The following ISLR variants were observed in gnomAD, a reference collection of about 807,000 sequenced individuals.
The protein encoded by ISLR is immunoglobulin superfamily containing leucine-rich repeat protein.
ISLR carries 9 observed loss-of-function variants against 11.0 expected under a neutral mutation model. That is an observed-to-expected ratio of 0.82 (90% CI 0.49 to 1.43). ISLR has a LOEUF of 1.43. Ranked by LOEUF, ISLR falls within the 40% of genes most tolerant of loss-of-function variation. The probability of loss-of-function intolerance (pLI) is 0.00; values close to 1 mark genes in which losing one functional copy is unlikely to be tolerated. For missense variants in ISLR, 510 were observed against 576.4 expected (o/e 0.88, Z 1.18); for synonymous variants, 262 against 264.1 (o/e 0.99, Z 0.08).
rs1479723378 is a variant in ISLR, at chr15:74,175,287, C to T, written c.429C>T (p.Arg143=). 1.2e-6 allele frequency: 2 copies of T among 1,612,280 alleles called. No individual in the cohort carries two copies. Among genetic ancestry groups the T allele is most frequent in the Admixed American group, 1.7e-5 (1 of 60,014 alleles). Residue 143 remains arginine, a synonymous_variant, in exon 2 of 2, where the codon CGC becomes CGT. Coordinates refer to ENST00000249842, the MANE Select transcript of ISLR (RefSeq NM_005545.4). The surrounding 1 kb of genome is among the most constrained non-coding windows in gnomAD (Gnocchi z 4.7). ...ELTFIPRDAF[R]SLRALRSLQL... is the part of the protein sequence containing the mutation. ...CCTTCATCCCCCGCGACGCCTTCCGCAGCCTCCGTGCTCTGCGCTCGCTGC... is the reference window on the plus strand; with the variant it reads ...CCTTCATCCCCCGCGACGCCTTCCGTAGCCTCCGTGCTCTGCGCTCGCTGC...
Position 74,176,397 on chromosome 15 carries a change from G to A in ISLR, c.*252G>A, listed in dbSNP as rs1355744619. The A allele has an allele frequency of 6.6e-6, 3 of 452,544 alleles. No homozygotes were observed. The highest frequency in any genetic ancestry group is 8.0e-6 in the Non-Finnish European group (2 of 249,684). The allele number at this position is 452,544 out of a possible 1,614,324, so 28.0% of individuals were successfully genotyped here. A position where few individuals can be genotyped will look rare whatever the true frequency, so the allele number is the denominator to read the frequency against. On this transcript the variant is annotated 3_prime_UTR_variant, in exon 2 of 2. Coordinates refer to ENST00000249842, the MANE Select transcript of ISLR (RefSeq NM_005545.4). ...CATTGCTGCTAACAGCATTGCCTGT[G>A]CTCTCCTCTCAGGGGCAGCATGCTA... is the stretch of plus-strand genomic sequence containing the variant.
chr15:74,174,228 G>A (rs1222652905), intron 1 of ISLR: 1 of 152,450 alleles, frequency 6.6e-6, no homozygotes, highest in Non-Finnish European at 1.5e-5. Context: ...TGAGCCTCTG[G>A]CCTCACCCAA....
At position 74,176,441 on chromosome 15, in the gene ISLR, C is replaced by T. The variant is rs2072797760; in HGVS notation, c.*296C>T. On this transcript the variant is annotated 3_prime_UTR_variant, in exon 2 of 2. Coordinates refer to ENST00000249842, the MANE Select transcript of ISLR (RefSeq NM_005545.4). ...CATGCTAACGGGGCGACGTCCTAAT[C>T]CAACTGGGAGAAGCCTCAGTGGTGG... 8.0e-6 allele frequency: 3 copies of T among 376,388 alleles called. No homozygotes were observed. Among genetic ancestry groups the T allele is most frequent in the South Asian group, 2.2e-4 (2 of 8,982 alleles). The allele number at this position is 376,388 out of a possible 1,614,324, so 23.3% of individuals were successfully genotyped here. A position where few individuals can be genotyped will look rare whatever the true frequency, so the allele number is the denominator to read the frequency against.
At position 74,175,791 on chromosome 15, in the gene ISLR, C is replaced by T. The variant is rs1567172846; in HGVS notation, c.933C>T (p.Ser311=). The T allele has an allele frequency of 6.2e-7, 1 of 1,614,128 alleles. No homozygotes were observed. Among genetic ancestry groups the T allele is most frequent in the Non-Finnish European group, 8.5e-7 (1 of 1,180,036 alleles). Residue 311 remains serine (S), a synonymous_variant, in exon 2 of 2, where the codon AGC becomes AGT. Coordinates refer to ENST00000249842, the MANE Select transcript of ISLR (RefSeq NM_005545.4). This position sits in a 1 kb window ranked among gnomAD's most constrained non-coding sequence, Gnocchi z 4.7. ...GCTTCCAGGCCTTTGCCAATGGCAG[C>T]CTGCTTATCCCCGACTTTGGCAAGC... The part of the protein sequence containing the change: ...QPRFQAFANG[S]LLIPDFGKLE...
In ISLR at chr15:74,175,219, C is replaced by T; in HGVS notation, c.361C>T (p.Leu121Phe). 1 of 1,613,560 alleles carries T rather than the reference C, an allele frequency of 6.2e-7. No individual in the cohort carries two copies. The highest frequency in any genetic ancestry group is 8.5e-7 in the Non-Finnish European group (1 of 1,180,010). Residue 121 changes from leucine to phenylalanine, a missense_variant, in exon 2 of 2, where the codon CTC becomes TTC. Transcript: ENST00000249842. The surrounding 1 kb of genome is among the most constrained non-coding windows in gnomAD (Gnocchi z 4.7). ...SDFAWSDLHN[L>F]SALQLLKMDS... is the part of the protein sequence containing the mutation. Reference sequence around the variant, plus strand: ...CTTTGCCTGGAGCGACCTGCACAACCTCAGTGCCCTCCAATTGCTCAAGAT... The same window carrying T: ...CTTTGCCTGGAGCGACCTGCACAACTTCAGTGCCCTCCAATTGCTCAAGAT...
Position 74,176,130 on chromosome 15 carries a change from C to T in ISLR, c.1272C>T (p.Phe424=), listed in dbSNP as rs765924842. 1.3e-6 allele frequency: 2 copies of T among 1,555,012 alleles called. No homozygotes were observed. Among genetic ancestry groups the T allele is most frequent in the African/African-American group, 1.4e-5 (1 of 73,180 alleles). ...GCCAAAGCCTCCTCCTCTTCTTCTT[C>T]CTCACCTCCTTCTAGCCCCACCCAG... is the stretch of plus-strand genomic sequence containing the variant. ...LLGQSLLLFF[F]LTSF is the part of the protein sequence containing the mutation. The change falls in exon 2 of 2, where the codon TTC becomes TTT. Residue 424 remains phenylalanine, a synonymous_variant. Coordinates refer to ENST00000249842, the MANE Select transcript of ISLR (RefSeq NM_005545.4).
Position 74,176,600 on chromosome 15 carries a change from G to C in ISLR, c.*455G>C, listed in dbSNP as rs571015241. ...TGGGAAGTAGACAGTGGCTGGTATG[G>C]CTCTGAGGCTCCCTGGGGCCTGCTC... On this transcript the variant is annotated 3_prime_UTR_variant, in exon 2 of 2. Transcript: ENST00000249842. 25 of 178,870 alleles carry C rather than the reference G, an allele frequency of 1.4e-4. No homozygotes were observed. The highest frequency in any genetic ancestry group is 4.5e-4 in the African/African-American group (19 of 41,970). The allele number at this position is 178,870 out of a possible 1,614,324, so 11.1% of individuals were successfully genotyped here.
rs1185879493 is a variant in ISLR at position 74,175,465 on chromosome 15, C to G, written c.607C>G (p.Pro203Ala). The change falls in exon 2 of 2, where the codon CCG becomes GCG. Residue 203 changes from proline (P) to alanine (A), a missense_variant. By Grantham distance (27) the Pro-to-Ala change is conservative (BLOSUM62 -1). Coordinates refer to ENST00000249842, the MANE Select transcript of ISLR (RefSeq NM_005545.4). The surrounding 1 kb of genome is among the most constrained non-coding windows in gnomAD (Gnocchi z 4.7). Reference sequence around the variant, plus strand: ...GGCCCTGACCACGGCCGTGTCCATCCCGGAGCAGGACAACATCGCCTGCAC... The same window carrying G: ...GGCCCTGACCACGGCCGTGTCCATCGCGGAGCAGGACAACATCGCCTGCAC... ...TWALTTAVSIPEQDNIACTSP... is the reference protein window; with the variant it reads ...TWALTTAVSIAEQDNIACTSP... 2.5e-6 allele frequency: 4 copies of G among 1,611,114 alleles called. No individual in the cohort carries two copies.
rs770282258 is a variant in ISLR at position 74,175,483 on chromosome 15, G to A, written c.625G>A (p.Ala209Thr). ...GTCCATCCCGGAGCAGGACAACATCGCCTGCACCTCACCCCATGTGCTCAA... is the reference window on the plus strand; with the variant it reads ...GTCCATCCCGGAGCAGGACAACATCACCTGCACCTCACCCCATGTGCTCAA... Reference protein sequence around the residue: ...AVSIPEQDNIACTSPHVLKGT... With the variant: ...AVSIPEQDNITCTSPHVLKGT... Residue 209 changes from alanine to threonine, a missense_variant, in exon 2 of 2, where the codon GCC (alanine) becomes ACC (threonine). Coordinates refer to ENST00000249842, the MANE Select transcript of ISLR (RefSeq NM_005545.4). The surrounding 1 kb of genome is among the most constrained non-coding windows in gnomAD (Gnocchi z 4.7). The A allele has an allele frequency of 1.4e-5, 23 of 1,610,246 alleles. No homozygotes were observed. The South Asian group carries it at 1.6e-4, about 12-fold the overall frequency.
At position 74,175,423 on chromosome 15, in the gene ISLR, G is replaced by T. The variant is rs370000092; in HGVS notation, c.565G>T (p.Val189Leu). 3 of 1,611,990 alleles carry T rather than the reference G, an allele frequency of 1.9e-6. No homozygotes were observed. In the South Asian group the frequency reaches 3.3e-5, roughly 18 times the overall value. The change falls in exon 2 of 2, where the codon GTG (valine) becomes TTG (leucine). Residue 189 changes from valine (V) to leucine (L), a missense_variant. By Grantham distance (32) the Val-to-Leu change is conservative (BLOSUM62 1). Transcript: ENST00000249842. This position sits in a 1 kb window ranked among gnomAD's most constrained non-coding sequence, Gnocchi z 4.7. ...ENPFDCTCGI[V>L]WLKTWALTTA... ...CCCCTTCGACTGCACCTGCGGCATCGTGTGGCTCAAGACATGGGCCCTGAC... is the reference window on the plus strand; with the variant it reads ...CCCCTTCGACTGCACCTGCGGCATCTTGTGGCTCAAGACATGGGCCCTGAC...
rs754833709 is a variant in ISLR, at chr15:74,175,947, G to T, written c.1089G>T (p.Ala363=). The change falls in exon 2 of 2, where the codon GCG becomes GCT. Residue 363 remains alanine (A), a synonymous_variant. Transcript: ENST00000249842. This position sits in a 1 kb window ranked among gnomAD's most constrained non-coding sequence, Gnocchi z 4.7. ...DTLGRRFHGK[A]VEGKGCYTVD... ...TGGGGCGCAGGTTCCATGGCAAAGC[G>T]GTTGAGGGAAAGGGCTGCTATACGG... 1.2e-6 allele frequency: 2 copies of T among 1,610,716 alleles called. No homozygotes were observed. Among genetic ancestry groups the T allele is most frequent in the Non-Finnish European group, 1.7e-6 (2 of 1,177,672 alleles).
In ISLR at chr15:74,175,603, C is replaced by G; in HGVS notation, c.745C>G (p.Pro249Ala). The G allele has an allele frequency of 6.2e-7, 1 of 1,613,858 alleles. No homozygotes were observed. The highest frequency in any genetic ancestry group is 1.3e-5 in the African/African-American group (1 of 75,058). ...CAGCCAGGATGGTGCCGAGCTGCGG[C>G]CTGGTTTTGTGCTGGCACTGCACTG... ...QPSQDGAELR[P>A]GFVLALHCDV... The change falls in exon 2 of 2, where the codon CCT becomes GCT. Residue 249 changes from proline (P) to alanine (A), a missense_variant. By Grantham distance (27) the Pro-to-Ala change is conservative. Transcript: ENST00000249842. The surrounding 1 kb of genome is among the most constrained non-coding windows in gnomAD (Gnocchi z 4.7).
rs1348396927 is a variant in ISLR, at chr15:74,175,496, C to T, written c.638C>T (p.Pro213Leu). ...CAGGACAACATCGCCTGCACCTCAC[C>T]CCATGTGCTCAAGGGTACGCCGCTG... is the stretch of plus-strand genomic sequence containing the variant. ...PEQDNIACTSPHVLKGTPLSR... is the reference protein window; with the variant it reads ...PEQDNIACTSLHVLKGTPLSR... The change falls in exon 2 of 2, where the codon CCC (proline) becomes CTC (leucine). Residue 213 changes from proline (P) to leucine (L), a missense_variant. Coordinates refer to ENST00000249842, the MANE Select transcript of ISLR (RefSeq NM_005545.4). This position sits in a 1 kb window ranked among gnomAD's most constrained non-coding sequence, Gnocchi z 4.7. 6.2e-7 allele frequency: 1 copy of T among 1,610,434 alleles called. No individual in the cohort carries two copies. Among genetic ancestry groups the T allele is most frequent in the Non-Finnish European group, 8.5e-7 (1 of 1,179,954 alleles).
Position 74,175,988 on chromosome 15 carries a change from A to G in ISLR, c.1130A>G (p.Gln377Arg), listed in dbSNP as rs553510181. 2.0e-5 allele frequency: 33 copies of G among 1,612,236 alleles called. No individual in the cohort carries two copies. The highest frequency in any genetic ancestry group is 1.3e-4 in the African/African-American group (10 of 75,024). Residue 377 changes from glutamine (Q) to arginine (R), a missense_variant, in exon 2 of 2, where the codon CAG becomes CGG. Coordinates refer to ENST00000249842, the MANE Select transcript of ISLR (RefSeq NM_005545.4). This position sits in a 1 kb window ranked among gnomAD's most constrained non-coding sequence, Gnocchi z 4.7. ...TGCTATACGGTTGACAACGAGGTGC[A>G]GCCATCAGGGCCGGAGGACAATGTG... The part of the protein sequence containing the change: ...KGCYTVDNEV[Q>R]PSGPEDNVVI...
intron 1 of ISLR, 181 bp from the exon 2 acceptor site, chr15:74,174,670 C>A: frequency 1.9e-6 from 1 of 523,934 alleles, no homozygotes; most frequent in Non-Finnish European, 3.3e-6. Flanking sequence ...CTCCGCCCTT[C>A]TCTTGGCCTC....
In ISLR at chr15:74,175,263, C is replaced by A. The variant is rs763111347; in HGVS notation, c.405C>A (p.Thr135=). 1 of 1,613,054 alleles carries A rather than the reference C, an allele frequency of 6.2e-7. No individual in the cohort carries two copies. Among genetic ancestry groups the A allele is most frequent in the East Asian group, 2.2e-5 (1 of 44,882 alleles). The change falls in exon 2 of 2, where the codon ACC becomes ACA. Residue 135 remains threonine, a synonymous_variant. Coordinates refer to ENST00000249842, the MANE Select transcript of ISLR (RefSeq NM_005545.4). The surrounding 1 kb of genome is among the most constrained non-coding windows in gnomAD (Gnocchi z 4.7). ...TCAAGATGGACAGCAACGAGCTGAC[C>A]TTCATCCCCCGCGACGCCTTCCGCA... ...QLLKMDSNEL[T]FIPRDAFRSL...
At position 74,176,169 on chromosome 15, in the gene ISLR, C is replaced by T. The variant is rs777647718; in HGVS notation, c.*24C>T. On this transcript the variant is annotated 3_prime_UTR_variant, in exon 2 of 2. Transcript: ENST00000249842. ...AGCCCCACCCAGGGCTTCCCTAACTCCTCCCCTTGCCCCTACCAATGCCCC... is the reference window on the plus strand; with the variant it reads ...AGCCCCACCCAGGGCTTCCCTAACTTCTCCCCTTGCCCCTACCAATGCCCC... The T allele has an allele frequency of 3.3e-6, 5 of 1,519,964 alleles. No individual in the cohort carries two copies. The Admixed American group carries it at 6.4e-5, about 19-fold the overall frequency. 94.2% of individuals were successfully genotyped at this position (1,519,964 alleles called of 1,614,324 possible). A position where few individuals can be genotyped will look rare whatever the true frequency, so the allele number is the denominator to read the frequency against.
chr15:74,174,784 T>C, intron 1 of ISLR, 67 bp from the exon 2 acceptor site: 1 of 1,280,624 alleles, frequency 7.8e-7, no homozygotes, highest in Non-Finnish European at 1.1e-6. Flanking sequence ...CTGGCTGGGC[T>C]TGTGGGAGGA....
chr15:74,174,610 C>A, intron 1 of ISLR: 1 of 436,206 alleles, frequency 2.3e-6, no homozygotes, highest in Non-Finnish European at 4.0e-6. Flanking sequence ...GAGCTGGGGT[C>A]CTCTTCCATC....
Sources: gnomAD v4.1 joint callset for allele counts on GRCh38, gnomAD v4.1.1 for gene constraint, Gnocchi (gnomAD v3.1) non-coding constraint, MANE v1.5 for transcripts, NCBI Gene and HGNC (gene_info 2026-07-23, HGNC 2026-07-21) for gene names.